Variants in LRRC4C observed in about 807,000 individuals in gnomAD.
The protein encoded by LRRC4C is leucine-rich repeat-containing protein 4C.
Under a neutral mutation model 33.6 loss-of-function variants are expected in LRRC4C, and 5 were observed. That is an observed-to-expected ratio of 0.15 (90% CI 0.08 to 0.31). The LOEUF (loss-of-function observed/expected upper bound fraction) is 0.31, where lower values mean the gene tolerates loss of function less well. LRRC4C is among the 10% of genes least tolerant of loss of function. LRRC4C has a pLI of 1.00. For missense variants in LRRC4C, 560 were observed against 796.7 expected (o/e 0.70, Z 3.58); for synonymous variants, 329 against 302.0 (o/e 1.09, Z -0.93).
chr11:41,219,188 A>T (rs1394736603), intron 1 of LRRC4C, among the ~76,000 whole-genome samples: 1 of 152,164 alleles, frequency 6.6e-6, no homozygotes, highest in Non-Finnish European at 1.5e-5. Flanking sequence ...AGATTCGTTC[A>T]TTATTCTTTT....
chr11:41,311,735 A>G (rs1364555434), intron 1 of LRRC4C, among the ~76,000 whole-genome samples: 1 of 152,224 alleles, frequency 6.6e-6, no homozygotes, highest in Non-Finnish European at 1.5e-5. Context: ...ACTAAATGAC[A>G]TTAAATTGTA....
At chr11:40,180,476 G>A (rs904990678) in intron 5 of LRRC4C, among the ~76,000 whole-genome samples, 1 of 152,156 alleles carries the variant, frequency 6.6e-6, no homozygotes, top group African/African-American at 2.4e-5. Context: ...TGAGTGGGAG[G>A]GATCCTGGCA....
chr11:40,199,563 T>C (rs1281737797), intron 5 of LRRC4C, among the ~76,000 whole-genome samples: 1 of 152,240 alleles, frequency 6.6e-6, no homozygotes, highest in Non-Finnish European at 1.5e-5. Flanking sequence ...ATCCTTCATT[T>C]AGCTTGAGCA....
chr11:40,131,992 A>G (rs1329480013), intron 6 of LRRC4C, among the ~76,000 whole-genome samples: 1 of 152,104 alleles, frequency 6.6e-6, no homozygotes, highest in Non-Finnish European at 1.5e-5. Context: ...TCATTTATGA[A>G]CCTCCTGAAA....
At chr11:40,218,691 G>C (rs1311720267) in intron 5 of LRRC4C, among the ~76,000 whole-genome samples, 2 of 101,192 alleles carry the variant, frequency 2.0e-5, no homozygotes, top group Non-Finnish European at 4.5e-5. Context: ...GAATGATAAA[G>C]AATCTATCTA....
intron 2 of LRRC4C, among the ~76,000 whole-genome samples, chr11:40,783,801 T>C (rs1266031990): frequency 1.3e-5 from 2 of 152,146 alleles, no homozygotes; most frequent in Non-Finnish European, 2.9e-5. Context: ...TGTATTTGAG[T>C]AATTTTTGGT....
intron 3 of LRRC4C, among the ~76,000 whole-genome samples, chr11:40,394,634 G>T (rs1949467653): frequency 6.6e-6 from 1 of 152,076 alleles, no homozygotes; most frequent in South Asian, 2.1e-4. Flanking sequence ...CACCTCAAAT[G>T]ACCCAAAAGA....
At chr11:40,379,868 A>G (rs1006464817) in intron 3 of LRRC4C, among the ~76,000 whole-genome samples, 3 of 152,138 alleles carry the variant, frequency 2.0e-5, no homozygotes, top group Non-Finnish European at 4.4e-5. Context: ...TGGAAATACA[A>G]ATTCATGGGC....
chr11:40,427,922 A>C (rs1023688090), intron 3 of LRRC4C, among the ~76,000 whole-genome samples: 1 of 152,208 alleles, frequency 6.6e-6, no homozygotes, highest in African/African-American at 2.4e-5. Flanking sequence ...CTTGTCTTAA[A>C]CCTATAAAGT....
At chr11:40,342,418 G>C (rs954130112) in intron 3 of LRRC4C, among the ~76,000 whole-genome samples, 3 of 152,098 alleles carry the variant, frequency 2.0e-5, no homozygotes, top group African/African-American at 7.2e-5. Flanking sequence ...GCAGTGAGCC[G>C]AGATGGCACC....
intron 2 of LRRC4C, among the ~76,000 whole-genome samples, chr11:40,805,649 A>C (rs187431599): frequency 6.6e-6 from 1 of 152,122 alleles, no homozygotes; most frequent in Middle Eastern, 3.2e-3. Flanking sequence ...TTCTCTTCCC[A>C]AGTCTCTTGT....
At chr11:40,816,455 T>A (rs1409280055) in intron 2 of LRRC4C, among the ~76,000 whole-genome samples, 2 of 152,158 alleles carry the variant, frequency 1.3e-5, no homozygotes, top group Non-Finnish European at 2.9e-5. Context: ...TGCCTGAAGT[T>A]TGTCTTTTTT....
intron 1 of LRRC4C, among the ~76,000 whole-genome samples, chr11:41,240,893 T>C (rs767483964): frequency 2.6e-5 from 4 of 152,086 alleles, no homozygotes; most frequent in Non-Finnish European, 5.9e-5. Context: ...CTTTGTAGAC[T>C]AGAAACACAG....
intron 2 of LRRC4C, among the ~76,000 whole-genome samples, chr11:40,828,908 A>G (rs529111147): frequency 1.3e-5 from 2 of 152,114 alleles, no homozygotes; most frequent in African/African-American, 4.8e-5. Context: ...TATATCCTAA[A>G]ATAATTATTT....
At chr11:41,439,041 C>G (rs1420792183) in intron 1 of LRRC4C, among the ~76,000 whole-genome samples, 1 of 152,056 alleles carries the variant, frequency 6.6e-6, no homozygotes, top group Non-Finnish European at 1.5e-5. Flanking sequence ...AATTTTTCAT[C>G]CCTTAAATTC....
At chr11:40,542,434 C>T (rs1443653398) in intron 3 of LRRC4C, among the ~76,000 whole-genome samples, 2 of 152,098 alleles carry the variant, frequency 1.3e-5, no homozygotes, top group Non-Finnish European at 1.5e-5. Flanking sequence ...GGTCTGAGGA[C>T]ATTTCCTCTT....
At chr11:40,881,225 G>C (rs866790610) in intron 2 of LRRC4C, among the ~76,000 whole-genome samples, 1 of 151,954 alleles carries the variant, frequency 6.6e-6, no homozygotes, top group East Asian at 1.9e-4. Context: ...TCTTTACAAG[G>C]TTTTTAGAAA....
chr11:40,510,496 T>A (rs1955260484), intron 3 of LRRC4C, among the ~76,000 whole-genome samples: 2 of 152,164 alleles, frequency 1.3e-5, no homozygotes, highest in African/African-American at 4.8e-5. Flanking sequence ...ACAATAAGAA[T>A]CCTGTAAATT....
chr11:41,033,005 A>G (rs182409436), intron 1 of LRRC4C, among the ~76,000 whole-genome samples: 13 of 152,120 alleles, frequency 8.5e-5, no homozygotes, highest in Admixed American at 6.6e-4. Context: ...AGCTGATACC[A>G]TGAAACATTA....
Sources: gnomAD v4.1 joint callset for allele counts (sites outside exome capture counted in the v4.1 genomes callset) on GRCh38, gnomAD v4.1.1 for gene constraint, MANE v1.5 for transcripts, NCBI Gene and HGNC (gene_info 2026-07-23, HGNC 2026-07-21) for gene names.